Variants in GALNT17 observed in about 807,000 individuals in gnomAD.
GALNT17 encodes polypeptide N-acetylgalactosaminyltransferase 17.
In GALNT17, 29 loss-of-function variants were observed where a neutral mutation model predicts 63.7. The observed-to-expected ratio is 0.46, with a 90% CI of 0.34 to 0.62. GALNT17 has a LOEUF of 0.62. Ranked by LOEUF, GALNT17 falls within the 20% of genes least tolerant of loss-of-function variation. The probability of loss-of-function intolerance (pLI) is 0.01; values close to 1 mark genes in which losing one functional copy is unlikely to be tolerated. For missense variants in GALNT17, 603 were observed against 799.6 expected (o/e 0.75, Z 2.97); for synonymous variants, 305 against 318.3 (o/e 0.96, Z 0.45).
intron 6 of GALNT17, among the ~76,000 whole-genome samples, chr7:71,630,031 A>C (rs978389265): frequency 1.2e-4 from 18 of 152,034 alleles, no homozygotes; most frequent in African/African-American, 4.1e-4. Flanking sequence ...TGCTGACTCC[A>C]GTACTATCAG....
intron 6 of GALNT17, among the ~76,000 whole-genome samples, chr7:71,626,120 T>G (rs1790372078): frequency 1.3e-5 from 2 of 151,892 alleles, no homozygotes; most frequent in African/African-American, 4.8e-5. Flanking sequence ...GGCACGTGCC[T>G]GTAGTCCCAG....
chr7:71,292,892 T>A (rs932523836), intron 1 of GALNT17, among the ~76,000 whole-genome samples: 1 of 152,144 alleles, frequency 6.6e-6, no homozygotes, highest in Non-Finnish European at 1.5e-5. Flanking sequence ...GAAATTAGCA[T>A]CCTACCCTCT....
chr7:71,460,989 A>T (rs571673104), intron 5 of GALNT17, among the ~76,000 whole-genome samples: 317 of 152,312 alleles, frequency 2.1e-3, no homozygotes, highest in African/African-American at 6.7e-3. Flanking sequence ...GTGACTTAGA[A>T]TGCTTAACCA....
chr7:71,507,279 A>C (rs1788284532), intron 5 of GALNT17, among the ~76,000 whole-genome samples: 1 of 152,172 alleles, frequency 6.6e-6, no homozygotes, highest in Non-Finnish European at 1.5e-5. Flanking sequence ...CATTCAACGC[A>C]CCAAAAAGTC....
chr7:71,350,211 G>A (rs1458274022), intron 2 of GALNT17, among the ~76,000 whole-genome samples: 1 of 152,134 alleles, frequency 6.6e-6, no homozygotes, highest in African/African-American at 2.4e-5. Context: ...CCATGCACAG[G>A]TACTATGGGA....
At chr7:71,284,883 C>CTT (rs533114666) in intron 1 of GALNT17, among the ~76,000 whole-genome samples, 1 of 144,730 alleles carries the variant, frequency 6.9e-6, no homozygotes, top group Non-Finnish European at 1.5e-5. Flanking sequence ...AAGTTCTGAG[C>CTT]TTTTTTTTTT....
chr7:71,294,471 GT>G (rs1315986025), intron 1 of GALNT17, among the ~76,000 whole-genome samples: 1 of 138,556 alleles, frequency 7.2e-6, no homozygotes, highest in Non-Finnish European at 1.5e-5. Context: ...TTGGAGTGCA[GT>G]GGTGTGGTCT....
At chr7:71,148,811 A>G (rs974685837) in intron 1 of GALNT17, among the ~76,000 whole-genome samples, 1 of 147,544 alleles carries the variant, frequency 6.8e-6, no homozygotes, top group Non-Finnish European at 1.5e-5. Context: ...AGTATCTTAT[A>G]GTTGAAGGCA....
intron 6 of GALNT17, among the ~76,000 whole-genome samples, chr7:71,585,578 A>G (rs1470019220): frequency 6.6e-6 from 1 of 152,226 alleles, no homozygotes; most frequent in African/African-American, 2.4e-5. Context: ...GCACCCTCTT[A>G]AGATGACCAA....
intron 6 of GALNT17, among the ~76,000 whole-genome samples, chr7:71,623,403 T>C (rs1299439511): frequency 7.0e-6 from 1 of 142,610 alleles, no homozygotes; most frequent in Non-Finnish European, 1.6e-5. Context: ...TAGTTTTTTT[T>C]CATTTCTATT....
chr7:71,206,533 C>G (rs1439601981), intron 1 of GALNT17, among the ~76,000 whole-genome samples: 1 of 152,076 alleles, frequency 6.6e-6, no homozygotes, highest in African/African-American at 2.4e-5. Context: ...AACCCACTTC[C>G]CAAATTGCTT....
intron 1 of GALNT17, among the ~76,000 whole-genome samples, chr7:71,252,129 C>T (rs994172054): frequency 2.6e-5 from 4 of 151,688 alleles, no homozygotes; most frequent in African/African-American, 9.7e-5. Context: ...TGGTTATACC[C>T]GATATCCTTT....
intron 5 of GALNT17, among the ~76,000 whole-genome samples, chr7:71,463,095 T>C (rs138974125): frequency 6.6e-6 from 1 of 152,076 alleles, no homozygotes; most frequent in African/African-American, 2.4e-5. Flanking sequence ...AGTGTGGAGA[T>C]TGTTGATTGG....
chr7:71,685,292 G>A (rs1791335147), intron 9 of GALNT17, among the ~76,000 whole-genome samples: 1 of 152,128 alleles, frequency 6.6e-6, no homozygotes, highest in African/African-American at 2.4e-5. Flanking sequence ...GACAGAGTAT[G>A]GAGATCCTCC....
intron 9 of GALNT17, among the ~76,000 whole-genome samples, chr7:71,699,441 G>T (rs542229409): frequency 1.4e-5 from 2 of 145,768 alleles, no homozygotes; most frequent in African/African-American, 5.1e-5. Flanking sequence ...GCGCCACTGC[G>T]CTCCAGCCTG....
At chr7:71,469,589 C>T (rs1256596359) in intron 5 of GALNT17, among the ~76,000 whole-genome samples, 1 of 152,170 alleles carries the variant, frequency 6.6e-6, no homozygotes, top group African/African-American at 2.4e-5. Context: ...GATTGCTTAG[C>T]GCTTGCCTTA....
intron 1 of GALNT17, among the ~76,000 whole-genome samples, chr7:71,268,302 G>C (rs954967203): frequency 6.6e-6 from 1 of 151,968 alleles, no homozygotes; most frequent in African/African-American, 2.4e-5. Flanking sequence ...AACACACTGG[G>C]AGGTCGAGGT....
chr7:71,292,688 T>C (rs1791004563), intron 1 of GALNT17, among the ~76,000 whole-genome samples: 1 of 151,170 alleles, frequency 6.6e-6, no homozygotes, highest in Non-Finnish European at 1.5e-5. Flanking sequence ...TGTGTGTGTG[T>C]GTGTGTGTGT....
chr7:71,699,760 C>G (rs1215477971), intron 9 of GALNT17, among the ~76,000 whole-genome samples: 1 of 149,440 alleles, frequency 6.7e-6, no homozygotes, highest in East Asian at 1.9e-4. Context: ...ATAGTGAGAC[C>G]CTGTCTCTAT....
Sources: gnomAD v4.1 joint callset for allele counts (sites outside exome capture counted in the v4.1 genomes callset) on GRCh38, gnomAD v4.1.1 for gene constraint, MANE v1.5 for transcripts, NCBI Gene and HGNC (gene_info 2026-07-23, HGNC 2026-07-21) for gene names.